Variants in SCIN observed in about 807,000 individuals in gnomAD.
SCIN encodes scinderin.
In SCIN, 91 loss-of-function variants were observed where a neutral mutation model predicts 91.8. The observed-to-expected ratio is 0.99, with a 90% CI of 0.84 to 1.18. The LOEUF is 1.18. SCIN is among the 50% of genes most tolerant of loss of function. SCIN has a pLI of 0.00. For missense variants in SCIN, 1,087 were observed against 863.9 expected, an observed-to-expected ratio of 1.26 and a Z score of -3.24; for synonymous variants, 367 against 312.6, an observed-to-expected ratio of 1.17 and a Z score of -1.84.
rs202128313 is a variant in SCIN, at chr7:12,578,022, T to C, written c.200-42T>C. 730 of 1,483,494 alleles carry C rather than the reference T, an allele frequency of 4.9e-4. 3 individuals carry two copies. The highest frequency in any genetic ancestry group is 1.6e-3 in the Middle Eastern group (9 of 5,684). The allele number at this position is 1,483,494 out of a possible 1,614,324, so 91.9% of individuals were successfully genotyped here. On this transcript the variant is annotated intron_variant, in intron 1 of 15. Coordinates refer to ENST00000297029, the MANE Select transcript of SCIN (RefSeq NM_001112706.3). ...TATCAGAAATTCTGCCTTAATCCTT[T>C]CTCTTGCTTGATAATTGAGGTGCTG...
chr7:12,575,341 T>C (rs1472657576), intron 1 of SCIN, among the ~76,000 whole-genome samples: 1 of 145,988 alleles, frequency 6.8e-6, no homozygotes, highest in African/African-American at 2.8e-5. Context: ...TTGTATGCCT[T>C]TTTTTTCTTT....
At chr7:12,628,028 CGCGCGTGTGTGTGT>C (rs1783564409) in intron 8 of SCIN, among the ~76,000 whole-genome samples, 1 of 71,056 alleles carries the variant, frequency 1.4e-5, no homozygotes, top group African/African-American at 6.0e-5. Context: ...GGCAAGTGTG[CGCGCGTGTGTGTGT>C]GTGTGTGTGT....
At chr7:12,647,068 ATT>A (rs1325446771) in intron 13 of SCIN, among the ~76,000 whole-genome samples, 1 of 152,144 alleles carries the variant, frequency 6.6e-6, no homozygotes, top group African/African-American at 2.4e-5. Flanking sequence ...TGCTCCTATA[ATT>A]TCTTATTAGA....
chr7:12,588,398 G>A (rs1334999675), intron 3 of SCIN, among the ~76,000 whole-genome samples: 2 of 152,188 alleles, frequency 1.3e-5, no homozygotes, highest in African/African-American at 2.4e-5. Context: ...ACATGCAGGA[G>A]GAAAGGTGTA....
rs762286922 is a variant in SCIN, at chr7:12,570,916, G to T, written c.130G>T (p.Asp44Tyr). The T allele has an allele frequency of 6.4e-7, 1 of 1,551,604 alleles. No individual in the cohort carries two copies. The highest frequency in any genetic ancestry group is 1.2e-5 in the South Asian group (1 of 84,064). Residue 44 changes from aspartate (D) to tyrosine (Y), a missense_variant, in exon 1 of 16, where the codon GAT (aspartate) becomes TAT (tyrosine). Physicochemically the swap from Asp to Tyr is radical, Grantham distance 160. Transcript: ENST00000297029. ...QSAHGDFYVG[D>Y]AYLVLHTAKT... The stretch of plus-strand genomic sequence containing the variant: ...CGCTCACGGCGACTTCTACGTCGGG[G>T]ATGCCTACCTGGTGCTGCACACGGC...
At chr7:12,650,856 G>A (rs1325249594) in intron 14 of SCIN, among the ~76,000 whole-genome samples, 1 of 152,102 alleles carries the variant, frequency 6.6e-6, no homozygotes, top group Admixed American at 6.6e-5. Context: ...TAAATCAAAG[G>A]TTCCTAGAGG....
chr7:12,576,842 T>A (rs1392578602), intron 1 of SCIN, among the ~76,000 whole-genome samples: 2 of 152,166 alleles, frequency 1.3e-5, no homozygotes, highest in African/African-American at 4.8e-5. Context: ...AGATCATCCA[T>A]GTAAAACATT....
At chr7:12,650,263 T>C (rs1784054886) in intron 14 of SCIN, among the ~76,000 whole-genome samples, 1 of 152,214 alleles carries the variant, frequency 6.6e-6, no homozygotes, top group Non-Finnish European at 1.5e-5. Flanking sequence ...ACAATGACCA[T>C]GTTTGACTTG....
At chr7:12,606,790 A>G (rs1260746986) in intron 4 of SCIN, among the ~76,000 whole-genome samples, 2 of 152,272 alleles carry the variant, frequency 1.3e-5, no homozygotes, top group South Asian at 2.1e-4. Context: ...TTATAATCAG[A>G]AAAAAAGTCC....
chr7:12,570,983 T>C lies in SCIN; in HGVS notation c.197T>C (p.Leu66Pro). 1 of 1,549,274 alleles carries C rather than the reference T, an allele frequency of 6.5e-7. No individual in the cohort carries two copies. The highest frequency in any genetic ancestry group is 1.4e-5 in the African/African-American group (1 of 73,068). Residue 66 changes from leucine to proline, a missense_variant and splice_region_variant, in exon 1 of 16, where the codon CTC becomes CCC. Leu to Pro is a moderately conservative substitution (Grantham distance 98). Transcript: ENST00000297029. ...TTCACCTACCACCTGCACTTCTGGC[T>C]CGGTAAGGGACGGCGGGCGGCGGGA... ...RGFTYHLHFW[L>P]GKECSQDEST...
At chr7:12,625,377 C>T (rs931315752) in intron 6 of SCIN, among the ~76,000 whole-genome samples, 2 of 146,916 alleles carry the variant, frequency 1.4e-5, no homozygotes, top group African/African-American at 2.5e-5. Flanking sequence ...TTACAAATAA[C>T]GTTTTTTCCT....
chr7:12,640,238 AT>A, intron 10 of SCIN, 108 bp from the exon 11 acceptor site: 1 of 949,676 alleles, frequency 1.1e-6, no homozygotes. Flanking sequence ...TTGACTTTTT[AT>A]TTTTTGTTTT....
chr7:12,625,880 A>C, intron 7 of SCIN, 30 bp downstream of exon 7: 1 of 1,519,894 alleles, frequency 6.6e-7, no homozygotes, highest in Non-Finnish European at 9.0e-7. Flanking sequence ...GGCTAGAAAA[A>C]AATAGAAAAC....
At chr7:12,596,323 C>T (rs1583287828) in intron 3 of SCIN, 1 of 455,898 alleles carries the variant, frequency 2.2e-6, no homozygotes, top group South Asian at 1.6e-5. Flanking sequence ...TTGCACATCC[C>T]CAAGAAGTTG....
Position 12,654,574 on chromosome 7 carries a change from A to C in SCIN, c.*1859A>C, listed in dbSNP as rs757594992. 6 of 152,202 alleles carry C rather than the reference A, an allele frequency of 3.9e-5. No individual in the cohort carries two copies. Among genetic ancestry groups the C allele is most frequent in the Non-Finnish European group, 8.8e-5 (6 of 68,030 alleles). 9.4% of individuals were successfully genotyped at this position (152,202 alleles called of 1,614,324 possible). A position where few individuals can be genotyped will look rare whatever the true frequency, so the allele number is the denominator to read the frequency against. On this transcript the variant is annotated 3_prime_UTR_variant, in exon 16 of 16. Coordinates refer to ENST00000297029, the MANE Select transcript of SCIN (RefSeq NM_001112706.3). ...ATAAATATCTTCTGGGTCAAGCTGA[A>C]TATTTTTTGAAGGATGATGAGAATA...
At chr7:12,621,227 T>C (rs1783401262) in intron 4 of SCIN, among the ~76,000 whole-genome samples, 1 of 152,150 alleles carries the variant, frequency 6.6e-6, no homozygotes, top group African/African-American at 2.4e-5. Context: ...AAATATTTGA[T>C]AAATGCTTAG....
intron 3 of SCIN, among the ~76,000 whole-genome samples, chr7:12,586,622 C>T (rs1234905445): frequency 7.2e-5 from 11 of 152,128 alleles, no homozygotes; most frequent in East Asian, 1.9e-4. Context: ...CAAAGGGATA[C>T]GCATGCCCCT....
intron 4 of SCIN, among the ~76,000 whole-genome samples, chr7:12,620,557 A>G (rs952765333): frequency 1.3e-5 from 2 of 152,148 alleles, no homozygotes; most frequent in African/African-American, 4.8e-5. Context: ...TTCCTACAAC[A>G]TAGGAGTAAT....
At chr7:12,603,795 A>G (rs1048245501) in intron 3 of SCIN, among the ~76,000 whole-genome samples, 2 of 152,104 alleles carry the variant, frequency 1.3e-5, no homozygotes, top group Non-Finnish European at 2.9e-5. Context: ...TTAAGTATCA[A>G]ATTTTCCCTA....
Sources: gnomAD v4.1 joint callset for allele counts (sites outside exome capture counted in the v4.1 genomes callset) on GRCh38, gnomAD v4.1.1 for gene constraint, MANE v1.5 for transcripts, NCBI Gene and HGNC (gene_info 2026-07-23, HGNC 2026-07-21) for gene names.